The following CARMIL1 variants were observed in gnomAD, a reference collection of about 807,000 sequenced individuals.
CARMIL1 encodes the protein capping protein regulator and myosin 1 linker 1.
In CARMIL1, 90 loss-of-function variants were observed where a neutral mutation model predicts 177.1. The ratio of observed to expected loss-of-function variants is 0.51; its 90% CI spans 0.43 to 0.61. CARMIL1 has a LOEUF of 0.61. Among genes scored for constraint, CARMIL1 ranks in the 20% least tolerant of loss-of-function variants. The probability of loss-of-function intolerance (pLI) is 0.00; values close to 1 mark genes in which losing one functional copy is unlikely to be tolerated. For missense variants in CARMIL1, 1,380 were observed against 1,667.0 expected (o/e 0.83, Z 3.00); for synonymous variants, 577 against 606.2 (o/e 0.95, Z 0.71).
At chr6:25,288,399 A>G (rs1781684331) in intron 2 of CARMIL1, among the ~76,000 whole-genome samples, 1 of 151,654 alleles carries the variant, frequency 6.6e-6, no homozygotes, top group Non-Finnish European at 1.5e-5. Context: ...ATAATGAAAT[A>G]TTAAGGCTCA....
chr6:25,408,663 A>G (rs1313299814), intron 2 of CARMIL1, among the ~76,000 whole-genome samples: 1 of 152,174 alleles, frequency 6.6e-6, no homozygotes, highest in African/African-American at 2.4e-5. Context: ...CTGGGGTGGT[A>G]CAGTTTCAAA....
At chr6:25,438,891 G>C (rs1412573241) in intron 5 of CARMIL1, among the ~76,000 whole-genome samples, 1 of 151,952 alleles carries the variant, frequency 6.6e-6, no homozygotes, top group Non-Finnish European at 1.5e-5. Context: ...TGGACTGGTG[G>C]CAGAGCAAGA....
At chr6:25,498,734 C>T (rs1451923639) in intron 16 of CARMIL1, among the ~76,000 whole-genome samples, 2 of 152,188 alleles carry the variant, frequency 1.3e-5, no homozygotes, top group African/African-American at 4.8e-5. Flanking sequence ...TAAGGTCATT[C>T]ACCCATTACT....
At chr6:25,279,957 G>T in intron 1 of CARMIL1, 122 bp downstream of exon 1, 1 of 1,166,052 alleles carries the variant, frequency 8.6e-7, no homozygotes, top group Non-Finnish European at 1.3e-6. Context: ...GGGCAGAGTG[G>T]TGTTGGGCAG....
At chr6:25,419,414 T>G (rs1007464923) in intron 2 of CARMIL1, among the ~76,000 whole-genome samples, 3 of 152,174 alleles carry the variant, frequency 2.0e-5, no homozygotes, top group Non-Finnish European at 4.4e-5. Context: ...TTCATGGATG[T>G]GGGATCCTGG....
chr6:25,538,182 A>G (rs1808498648), intron 25 of CARMIL1, among the ~76,000 whole-genome samples, 199 bp downstream of exon 25: 2 of 152,228 alleles, frequency 1.3e-5, no homozygotes, highest in Admixed American at 6.5e-5. Flanking sequence ...AATAAAAAGC[A>G]GAGGGCCAGT....
In CARMIL1 at chr6:25,616,284, C is replaced by A. The variant is rs563427561; in HGVS notation, c.3980-3163C>A. 5.9e-5 allele frequency among the ~76,000 whole-genome samples: 9 copies of A among 152,228 alleles called. No homozygotes were observed. In the East Asian group the frequency reaches 1.3e-3, roughly 23 times the overall value. On this transcript the variant is annotated intron_variant, in intron 36 of 36. Transcript: ENST00000329474. ...CTTATAAATATTTTAAAAATAAATT[C>A]TAGCGAGGCACAGTGGTTCACATTT... is the stretch of plus-strand genomic sequence containing the variant.
intron 2 of CARMIL1, among the ~76,000 whole-genome samples, chr6:25,351,548 T>G (rs1312557236): frequency 5.9e-5 from 9 of 152,244 alleles, no homozygotes; most frequent in Non-Finnish European, 1.2e-4. Flanking sequence ...TAATAAAGTT[T>G]ATTCTTAACT....
At chr6:25,419,636 G>A (rs1369210276) in intron 2 of CARMIL1, among the ~76,000 whole-genome samples, 1 of 152,144 alleles carries the variant, frequency 6.6e-6, no homozygotes, top group Non-Finnish European at 1.5e-5. Flanking sequence ...GCCTGATTTT[G>A]CTCTGTGCAT....
chr6:25,552,611 A>G (rs947972444), intron 27 of CARMIL1, among the ~76,000 whole-genome samples: 16 of 152,202 alleles, frequency 1.1e-4, no homozygotes, highest in African/African-American at 3.1e-4. Context: ...TGCAAACTGG[A>G]AGCTTAACCA....
At chr6:25,586,133 G>C (rs368313913) in intron 31 of CARMIL1, among the ~76,000 whole-genome samples, 22 of 150,162 alleles carry the variant, frequency 1.5e-4, no homozygotes, top group African/African-American at 4.8e-4. Context: ...CTGGCCGGGC[G>C]GGGGGTTGCC....
At chr6:25,473,123 C>G (rs1050890216) in intron 11 of CARMIL1, among the ~76,000 whole-genome samples, 2 of 152,192 alleles carry the variant, frequency 1.3e-5, no homozygotes, top group African/African-American at 4.8e-5. Context: ...CAGAAGTTTG[C>G]TTTGTGTGTG....
At chr6:25,490,535 A>T (rs1195085762) in intron 13 of CARMIL1, among the ~76,000 whole-genome samples, 7 of 151,858 alleles carry the variant, frequency 4.6e-5, no homozygotes. Context: ...CTGTCTCTAC[A>T]AAAAATACAA....
intron 2 of CARMIL1, among the ~76,000 whole-genome samples, chr6:25,325,380 C>T (rs1012459843): frequency 1.5e-4 from 23 of 152,132 alleles, no homozygotes; most frequent in African/African-American, 5.6e-4. Flanking sequence ...TGATATTTAA[C>T]TATCTTTAAA....
chr6:25,428,213 T>A (rs549938182), intron 4 of CARMIL1, among the ~76,000 whole-genome samples: 39 of 151,934 alleles, frequency 2.6e-4, no homozygotes, highest in African/African-American at 8.9e-4. Context: ...TAGATCAAAA[T>A]TTTTTTTTAG....
intron 2 of CARMIL1, among the ~76,000 whole-genome samples, chr6:25,414,290 T>G (rs1038282505): frequency 6.6e-6 from 1 of 152,164 alleles, no homozygotes; most frequent in Non-Finnish European, 1.5e-5. Context: ...GCTAGTAGAT[T>G]GACCAACAGT....
chr6:25,481,013 T>C (rs1366152298), intron 11 of CARMIL1, among the ~76,000 whole-genome samples: 2 of 152,034 alleles, frequency 1.3e-5, no homozygotes, highest in Admixed American at 1.3e-4. Context: ...TTGTCCCCTT[T>C]TTTCCTCTCT....
intron 2 of CARMIL1, among the ~76,000 whole-genome samples, chr6:25,311,603 C>G (rs1467895767): frequency 6.6e-6 from 1 of 152,154 alleles, no homozygotes; most frequent in Admixed American, 6.5e-5. Flanking sequence ...TTCCCACCCC[C>G]ACCCATCAGA....
At chr6:25,594,574 A>T in intron 32 of CARMIL1, 47 bp downstream of exon 32, 1 of 1,044,006 alleles carries the variant, frequency 9.6e-7, no homozygotes, top group Non-Finnish European at 1.5e-6. Context: ...ATTCATATTT[A>T]AATTACTAAC....
Sources: allele counts gnomAD v4.1 joint callset (sites outside exome capture counted in the v4.1 genomes callset), GRCh38; gene constraint gnomAD v4.1.1; transcripts MANE v1.5; gene names NCBI Gene and HGNC (gene_info 2026-07-23, HGNC 2026-07-21).